APPL2: variants seen among roughly 807,000 people sequenced by gnomAD.
The protein encoded by APPL2 is adaptor protein, phosphotyrosine interacting with PH domain and leucine zipper 2.
In APPL2, 84 loss-of-function variants were observed where a neutral mutation model predicts 92.7. That is an observed-to-expected ratio of 0.91 (90% CI 0.76 to 1.09). The LOEUF is 1.09. Ranked by LOEUF, APPL2 falls within the 50% of genes least tolerant of loss-of-function variation. The probability of loss-of-function intolerance (pLI) is 0.00; values close to 1 mark genes in which losing one functional copy is unlikely to be tolerated. For synonymous variants in APPL2, 291 were observed against 291.0 expected (o/e 1.00, Z 0.00); for missense variants, 736 against 824.5 (o/e 0.89, Z 1.31).
At chr12:105,188,524 C>CTAG in intron 16 of APPL2, 77 bp from the exon 17 acceptor site, 1 of 1,491,442 alleles carries the variant, frequency 6.7e-7, no homozygotes, top group South Asian at 1.2e-5. Context: ...GTCAGATGTG[C>CTAG]TAGTTTTGCC....
At chr12:105,195,916 G>A (rs576752214) in intron 11 of APPL2, among the ~76,000 whole-genome samples, 3 of 152,116 alleles carry the variant, frequency 2.0e-5, no homozygotes, top group South Asian at 4.1e-4. Flanking sequence ...TTAGCTGGGC[G>A]TGGTGGCGTG....
chr12:105,186,652 A>T (rs1380646712), intron 17 of APPL2, among the ~76,000 whole-genome samples: 2 of 36,100 alleles, frequency 5.5e-5, no homozygotes, highest in Non-Finnish European at 8.8e-5. Context: ...TATGATATCG[A>T]TATCATATAT....
intron 2 of APPL2, among the ~76,000 whole-genome samples, chr12:105,223,294 C>T (rs1890254373): frequency 6.6e-6 from 1 of 152,100 alleles, no homozygotes; most frequent in Admixed American, 6.5e-5. Context: ...GAATAAAGAC[C>T]CAGAGTCTGG....
Position 105,177,282 on chromosome 12 carries a change from A to T in APPL2, c.1635-20T>A. ...ATCAACCTGAAATTTTAAAAGATAC[A>T]TTATGTCACAAATGTTGGATAAATT... On this transcript the variant is annotated intron_variant, in intron 17 of 20. Coordinates refer to ENST00000258530, the MANE Select transcript of APPL2 (RefSeq NM_018171.5). The T allele has an allele frequency of 6.2e-7, 1 of 1,608,718 alleles. No individual in the cohort carries two copies. Among genetic ancestry groups the T allele is most frequent in the East Asian group, 2.2e-5 (1 of 44,836 alleles).
At chr12:105,208,817 A>C (rs1888978622) in intron 5 of APPL2, among the ~76,000 whole-genome samples, 2 of 152,356 alleles carry the variant, frequency 1.3e-5, no homozygotes, top group Admixed American at 1.3e-4. Context: ...AAGATCATTG[A>C]GAGCAGTGAC....
intron 1 of APPL2, chr12:105,233,572 T>A (rs1592848085): frequency 5.4e-6 from 1 of 184,582 alleles, no homozygotes; most frequent in Non-Finnish European, 1.0e-5. Context: ...CTCTCAAAAT[T>A]ACTCTTCATA....
intron 17 of APPL2, among the ~76,000 whole-genome samples, chr12:105,178,689 A>C (rs964299804): frequency 6.6e-6 from 1 of 152,198 alleles, no homozygotes; most frequent in Non-Finnish European, 1.5e-5. Flanking sequence ...GACTTCTTAC[A>C]ACTGGTTCAT....
chr12:105,216,962 T>G, intron 4 of APPL2, 107 bp downstream of exon 4: 1 of 727,042 alleles, frequency 1.4e-6, no homozygotes, highest in Non-Finnish European at 2.3e-6. Flanking sequence ...TTGAGATACC[T>G]TCTCAGATAT....
intron 16 of APPL2, among the ~76,000 whole-genome samples, chr12:105,189,515 A>AT (rs1266248814): frequency 6.6e-6 from 1 of 152,222 alleles, no homozygotes; most frequent in African/African-American, 2.4e-5. Context: ...ACAGATTCAG[A>AT]TTTCACAACA....
intron 14 of APPL2, among the ~76,000 whole-genome samples, chr12:105,194,534 T>C (rs975136975): frequency 6.6e-6 from 1 of 151,750 alleles, no homozygotes; most frequent in East Asian, 1.9e-4. Flanking sequence ...CTATTAAAAA[T>C]ACAAAAATTA....
intron 4 of APPL2, among the ~76,000 whole-genome samples, chr12:105,216,327 A>G (rs1889686627): frequency 1.3e-5 from 2 of 152,202 alleles, no homozygotes; most frequent in Admixed American, 1.3e-4. Context: ...AGCCTGGGCA[A>G]CAAAGCAAGA....
chr12:105,189,884 CTT>C, intron 15 of APPL2, 60 bp from the exon 16 acceptor site: 2 of 1,612,020 alleles, frequency 1.2e-6, no homozygotes, highest in Non-Finnish European at 1.7e-6. Context: ...GCACTTAACA[CTT>C]GAACTGGAAA....
At chr12:105,214,502 C>T (rs1301547704) in intron 4 of APPL2, among the ~76,000 whole-genome samples, 2 of 152,230 alleles carry the variant, frequency 1.3e-5, no homozygotes, top group Non-Finnish European at 2.9e-5. Context: ...TATCTTTTAT[C>T]CATTTCAACA....
chr12:105,192,938 C>G (rs1268784386), intron 14 of APPL2, among the ~76,000 whole-genome samples: 1 of 152,116 alleles, frequency 6.6e-6, no homozygotes, highest in Non-Finnish European at 1.5e-5. Context: ...AGTTTGTTCC[C>G]AAGAACACAA....
chr12:105,233,838 G>A (rs1891078953), intron 1 of APPL2, among the ~76,000 whole-genome samples: 1 of 152,192 alleles, frequency 6.6e-6, no homozygotes, highest in South Asian at 2.1e-4. Context: ...AGGATTGAGT[G>A]AGTTAATATA....
Position 105,195,441 on chromosome 12 carries a change from T to C in APPL2, c.1152+4A>G, listed in dbSNP as rs763125021. 6.2e-7 allele frequency: 1 copy of C among 1,614,160 alleles called. No homozygotes were observed. Among genetic ancestry groups the C allele is most frequent in the Non-Finnish European group, 8.5e-7 (1 of 1,180,026 alleles). On this transcript the variant is annotated splice_donor_region_variant and intron_variant, in intron 13 of 20. Transcript: ENST00000258530. ...GGGCTGAGATGCCGGTGGCTGATAA[T>C]TACCTCAGGGTTGTCGGTCAGGTAG...
intron 1 of APPL2, among the ~76,000 whole-genome samples, chr12:105,231,347 G>T (rs911324697): frequency 3.3e-5 from 5 of 152,192 alleles, no homozygotes; most frequent in Non-Finnish European, 7.4e-5. Context: ...AGGGTAGAAA[G>T]AAAACTAAAA....
Position 105,196,975 on chromosome 12 carries a change from G to C in APPL2, c.1052+790C>G, listed in dbSNP as rs1887700988. 2.0e-5 allele frequency among the ~76,000 whole-genome samples: 3 copies of C among 152,144 alleles called. No individual in the cohort carries two copies. The South Asian group carries it at 6.2e-4, about 31-fold the overall frequency. Reference sequence around the variant, plus strand: ...AAGCTGCTCTGCCAAGCTGGGAGGAGAGACATCATCCCAATGCCGTCCCCA... The same window carrying C: ...AAGCTGCTCTGCCAAGCTGGGAGGACAGACATCATCCCAATGCCGTCCCCA... On this transcript the variant is annotated intron_variant, in intron 11 of 20. Coordinates refer to ENST00000258530, the MANE Select transcript of APPL2 (RefSeq NM_018171.5).
chr12:105,208,039 AAC>A lies in APPL2; in HGVS notation c.416-12_416-11del. On this transcript the variant is annotated splice_polypyrimidine_tract_variant and intron_variant, in intron 6 of 20. Coordinates refer to ENST00000258530, the MANE Select transcript of APPL2 (RefSeq NM_018171.5). ...ATTGAGAGGTCATGCTCTAAAAATA[AAC>A]AGACATCTGAACACCCAGGAGGGTC... 1.2e-6 allele frequency: 2 copies of A among 1,614,190 alleles called. No individual in the cohort carries two copies. Among genetic ancestry groups the A allele is most frequent in the Non-Finnish European group, 1.7e-6 (2 of 1,180,006 alleles).
Sources: gnomAD v4.1 joint callset for allele counts (sites outside exome capture counted in the v4.1 genomes callset) on GRCh38, gnomAD v4.1.1 for gene constraint, MANE v1.5 for transcripts, NCBI Gene and HGNC (gene_info 2026-07-23, HGNC 2026-07-21) for gene names.